Variants in CDH12 observed in about 807,000 individuals in gnomAD.
CDH12 encodes the protein cadherin-12.
In CDH12, 41 loss-of-function variants were observed where a neutral mutation model predicts 74.1. The ratio of observed to expected loss-of-function variants is 0.55; its 90% CI spans 0.43 to 0.72. The LOEUF (loss-of-function observed/expected upper bound fraction) is 0.72, where lower values mean the gene tolerates loss of function less well. CDH12 is among the 30% of genes least tolerant of loss of function. CDH12 has a pLI of 0.00. For synonymous variants in CDH12, 399 were observed against 355.0 expected, an observed-to-expected ratio of 1.12 and a Z score of -1.39; for missense variants, 945 against 977.2, an observed-to-expected ratio of 0.97 and a Z score of 0.44.
At chr5:22,353,625 A>G (rs1030614090) in intron 3 of CDH12, among the ~76,000 whole-genome samples, 2 of 152,190 alleles carry the variant, frequency 1.3e-5, no homozygotes, top group African/African-American at 4.8e-5. Flanking sequence ...TCAAGTTTCA[A>G]ACTGTGGATA....
intron 3 of CDH12, among the ~76,000 whole-genome samples, chr5:22,279,953 C>T (rs1373905876): frequency 6.6e-6 from 1 of 152,200 alleles, no homozygotes; most frequent in Non-Finnish European, 1.5e-5. Flanking sequence ...AATCGCCACA[C>T]TATCTTCCAC....
intron 14 of CDH12, among the ~76,000 whole-genome samples, chr5:21,753,305 G>T (rs930085): frequency 6.6e-6 from 1 of 151,958 alleles, no homozygotes; most frequent in South Asian, 2.1e-4. Flanking sequence ...GGAGAGAGGA[G>T]ATCTAGGTAG....
intron 3 of CDH12, among the ~76,000 whole-genome samples, chr5:22,255,749 C>A (rs1753288858): frequency 6.6e-6 from 1 of 151,194 alleles, no homozygotes; most frequent in Non-Finnish European, 1.5e-5. Flanking sequence ...AATAACTGAT[C>A]TAGAACAAGG....
At chr5:22,701,799 T>C (rs183086669) in intron 1 of CDH12, among the ~76,000 whole-genome samples, 97 of 152,284 alleles carry the variant, frequency 6.4e-4, no homozygotes, top group Non-Finnish European at 1.2e-3. Flanking sequence ...CTCCACAACA[T>C]TACCCACCCA....
At chr5:21,753,470 T>C (rs530792621) in intron 14 of CDH12, among the ~76,000 whole-genome samples, 2 of 152,254 alleles carry the variant, frequency 1.3e-5, no homozygotes, top group Non-Finnish European at 2.9e-5. Context: ...ATAAAATGAG[T>C]TCAGAATCAC....
At chr5:22,335,256 G>C (rs748077505) in intron 3 of CDH12, among the ~76,000 whole-genome samples, 5 of 152,122 alleles carry the variant, frequency 3.3e-5, no homozygotes, top group Admixed American at 6.6e-5. Flanking sequence ...TTGTGGGAGG[G>C]ACCCCGTGGG....
chr5:22,438,853 TTGAA>T (rs1744510814), intron 2 of CDH12, among the ~76,000 whole-genome samples: 1 of 151,702 alleles, frequency 6.6e-6, no homozygotes, highest in Non-Finnish European at 1.5e-5. Context: ...CTATAAAAAA[TTGAA>T]TAATATCATT....
chr5:22,621,119 T>C lies in CDH12; in HGVS notation c.-522-115755A>G, dbSNP rs376929525. Among the ~76,000 whole-genome samples the C allele has an allele frequency of 5.3e-5, 8 of 152,190 alleles. No individual in the cohort carries two copies. The East Asian group carries it at 9.6e-4, about 18-fold the overall frequency. ...AGTTTCTAGAGACCACCTGTATTAC[T>C]TGGCTTCTAGCCTCTTTGTTCATCT... On this transcript the variant is annotated intron_variant, in intron 1 of 14. Transcript: ENST00000382254.
At chr5:22,659,744 A>G (rs984409621) in intron 1 of CDH12, among the ~76,000 whole-genome samples, 1 of 152,098 alleles carries the variant, frequency 6.6e-6, no homozygotes, top group African/African-American at 2.4e-5. Flanking sequence ...CCCTGTATAT[A>G]TACACACATA....
At chr5:22,026,993 A>C (rs181182027) in intron 5 of CDH12, among the ~76,000 whole-genome samples, 4 of 152,284 alleles carry the variant, frequency 2.6e-5, no homozygotes. Flanking sequence ...TGTCCCATCA[A>C]TACCTAATTT....
At chr5:22,551,097 A>G (rs562664292) in intron 1 of CDH12, among the ~76,000 whole-genome samples, 10 of 152,182 alleles carry the variant, frequency 6.6e-5, no homozygotes, top group Admixed American at 5.2e-4. Flanking sequence ...GAGCCTTTAA[A>G]AAGGTAATTA....
At chr5:21,892,650 C>A (rs1036028242) in intron 6 of CDH12, among the ~76,000 whole-genome samples, 1 of 151,816 alleles carries the variant, frequency 6.6e-6, no homozygotes, top group African/African-American at 2.4e-5. Context: ...TAAAGTTTTA[C>A]GTTTATAAAA....
At chr5:22,217,571 A>G (rs1245879691) in intron 3 of CDH12, among the ~76,000 whole-genome samples, 1 of 151,714 alleles carries the variant, frequency 6.6e-6, no homozygotes, top group Non-Finnish European at 1.5e-5. Context: ...TCTATTTTGT[A>G]TCTTTGAGGT....
rs530842331 is a variant in CDH12, at chr5:22,222,969, T to C, written c.-332-10326A>G. On this transcript the variant is annotated intron_variant, in intron 3 of 14. Transcript: ENST00000382254. ...ACTTTTGTTTCATTTCCAATACTTA[T>C]ATTTAATATGTTTTTTTTTCTGATG... Among the ~76,000 whole-genome samples, 5 of 152,098 alleles carry C rather than the reference T, an allele frequency of 3.3e-5. No individual in the cohort carries two copies. In the East Asian group the frequency reaches 9.7e-4, roughly 29 times the overall value.
intron 3 of CDH12, among the ~76,000 whole-genome samples, chr5:22,237,553 G>GAGA (rs1752601026): frequency 6.6e-6 from 1 of 152,092 alleles, no homozygotes; most frequent in African/African-American, 2.4e-5. Context: ...TGCCATCTAT[G>GAGA]AGAAATGGGC....
chr5:22,451,879 T>C (rs1745057662), intron 2 of CDH12, among the ~76,000 whole-genome samples: 1 of 151,898 alleles, frequency 6.6e-6, no homozygotes, highest in African/African-American at 2.4e-5. Flanking sequence ...TTTGGTAAAC[T>C]TGCAGGACAC....
At chr5:22,183,557 C>T (rs945528205) in intron 4 of CDH12, among the ~76,000 whole-genome samples, 9 of 152,064 alleles carry the variant, frequency 5.9e-5, no homozygotes, top group East Asian at 3.9e-4. Flanking sequence ...CACGTGGAAA[C>T]GGGTGATTTC....
chr5:21,963,580 T>C (rs1018808700), intron 6 of CDH12, among the ~76,000 whole-genome samples: 1 of 152,092 alleles, frequency 6.6e-6, no homozygotes, highest in African/African-American at 2.4e-5. Context: ...TTATATATGT[T>C]GCCCAGTCTT....
chr5:22,067,192 T>C (rs1018026021), intron 5 of CDH12, among the ~76,000 whole-genome samples: 6 of 152,170 alleles, frequency 3.9e-5, no homozygotes, highest in African/African-American at 1.4e-4. Flanking sequence ...CTTGGATCTA[T>C]TGAGCAGGAA....
Sources: allele counts gnomAD v4.1 joint callset (sites outside exome capture counted in the v4.1 genomes callset), GRCh38; gene constraint gnomAD v4.1.1; transcripts MANE v1.5; gene names NCBI Gene and HGNC (gene_info 2026-07-23, HGNC 2026-07-21).